Variants in VIPAS39 observed in about 807,000 individuals in gnomAD.
VIPAS39 encodes the protein spermatogenesis-defective protein 39 homolog.
A neutral mutation model predicts 84.7 loss-of-function variants in VIPAS39; 63 were observed. The ratio of observed to expected loss-of-function variants is 0.74; its 90% CI spans 0.61 to 0.92. The LOEUF is 0.92. VIPAS39 is among the 40% of genes least tolerant of loss of function. VIPAS39 has a pLI of 0.00. For synonymous variants in VIPAS39, 192 were observed against 216.5 expected (o/e 0.89, Z 0.99); for missense variants, 499 against 604.5 (o/e 0.83, Z 1.83).
At chr14:77,428,953 C>A in intron 18 of VIPAS39, 53 bp downstream of exon 18, 1 of 1,492,672 alleles carries the variant, frequency 6.7e-7, no homozygotes. Flanking sequence ...TAATCCCCAC[C>A]CTGCTTCGCC....
intron 7 of VIPAS39, among the ~76,000 whole-genome samples, chr14:77,447,965 C>CTTTTTTTTTTTTTT (rs1301071234): frequency 3.4e-4 from 47 of 138,888 alleles, no homozygotes; most frequent in African/African-American, 1.2e-3. Context: ...CCCGGCTTCT[C>CTTTTTTTTTTTTTT]TTTTTTTTTT....
chr14:77,443,598 A>T lies in VIPAS39; in HGVS notation c.598-446T>A, dbSNP rs368437724. ...ACCCTGTCTCTACAAAAAAATTTAAAAATTAGCCAGGCAAGGCCAAGCGTG... is the reference window on the plus strand; with the variant it reads ...ACCCTGTCTCTACAAAAAAATTTAATAATTAGCCAGGCAAGGCCAAGCGTG... On this transcript the variant is annotated intron_variant, in intron 8 of 19. Coordinates refer to ENST00000557658, the MANE Select transcript of VIPAS39 (RefSeq NM_001193315.2). 2.0e-5 allele frequency among the ~76,000 whole-genome samples: 3 copies of T among 152,182 alleles called. No individual in the cohort carries two copies. The East Asian group carries it at 5.8e-4, about 29-fold the overall frequency.
Position 77,451,530 on chromosome 14 carries a change from A to G in VIPAS39, c.197-197T>C, listed in dbSNP as rs2078881349. On this transcript the variant is annotated intron_variant, in intron 3 of 19. Transcript: ENST00000557658. ...GACATGAATAGGTGGATCACAGAAA[A>G]TTCAAATGGCTCTTCAACATATGAA... Among the ~76,000 whole-genome samples, 3 of 152,228 alleles carry G rather than the reference A, an allele frequency of 2.0e-5. No homozygotes were observed. In the South Asian group the frequency reaches 6.2e-4, roughly 32 times the overall value.
chr14:77,453,364 TCTCGGAGGCTGTTCACCG>T lies in VIPAS39; in HGVS notation c.113_130del (p.Ala38_Arg43del). 1 of 1,614,034 alleles carries T rather than the reference TCTCGGAGGCTGTTCACCG, an allele frequency of 6.2e-7. No individual in the cohort carries two copies. The highest frequency in any genetic ancestry group is 8.5e-7 in the Non-Finnish European group (1 of 1,180,014). ...ATCATCGTCATCATCATCCACGAAG[TCTCGGAGGCTGTTCACCG>T]CCCGCTTGGACTCCTTTAACTGCAG... On this transcript the variant is annotated inframe_deletion, in exon 3 of 20. Transcript: ENST00000557658.
chr14:77,430,790 A>G (rs184604365), intron 16 of VIPAS39, among the ~76,000 whole-genome samples: 1 of 152,096 alleles, frequency 6.6e-6, no homozygotes, highest in African/African-American at 2.4e-5. Flanking sequence ...ATTATATTAC[A>G]AAGTTACATA....
chr14:77,435,728 A>C, intron 13 of VIPAS39, 116 bp downstream of exon 13: 1 of 1,196,332 alleles, frequency 8.4e-7, no homozygotes, highest in Non-Finnish European at 1.2e-6. Flanking sequence ...AGAAAATGAA[A>C]GGCTTTTAGA....
chr14:77,442,620 C>T lies in VIPAS39; in HGVS notation c.674G>A (p.Arg225Lys), dbSNP rs2078720690. ...TTCCTTAAGGAAGTGAATAAGATGTCTCAGGGCAACCTGTCGCACCTCCAG... is the reference window on the plus strand; with the variant it reads ...TTCCTTAAGGAAGTGAATAAGATGTTTCAGGGCAACCTGTCGCACCTCCAG... ...RELEVRQVAL[R>K]HLIHFLKEIG... The change falls in exon 10 of 20, where the codon AGA (arginine) becomes AAA (lysine). Residue 225 changes from arginine (R) to lysine (K), a missense_variant. Coordinates refer to ENST00000557658, the MANE Select transcript of VIPAS39 (RefSeq NM_001193315.2). 1.9e-6 allele frequency: 3 copies of T among 1,614,106 alleles called. No homozygotes were observed. In the Admixed American group the frequency reaches 5.0e-5, roughly 27 times the overall value.
chr14:77,429,652 T>C, intron 17 of VIPAS39, 29 bp downstream of exon 17: 2 of 1,608,702 alleles, frequency 1.2e-6, no homozygotes, highest in Non-Finnish European at 8.5e-7. Context: ...AAGAATATCC[T>C]GTACCCAACT....
intron 7 of VIPAS39, among the ~76,000 whole-genome samples, chr14:77,447,046 CTT>C (rs34819838): frequency 7.0e-6 from 1 of 143,362 alleles, no homozygotes. Flanking sequence ...CCACACCTGG[CTT>C]TTTTTTTTTT....
In VIPAS39 at chr14:77,434,320, A is replaced by T. The variant is rs1456113179; in HGVS notation, c.1048-17T>A. ...GAATGTCCCCTAGGATGAAAGTGAA[A>T]AAGGAACTTTAGTGATATTGACTTT... is the stretch of plus-strand genomic sequence containing the variant. On this transcript the variant is annotated splice_polypyrimidine_tract_variant and intron_variant, in intron 14 of 19. Transcript: ENST00000557658. The T allele has an allele frequency of 2.5e-6, 4 of 1,613,808 alleles. No individual in the cohort carries two copies. Among genetic ancestry groups the T allele is most frequent in the Non-Finnish European group, 3.4e-6 (4 of 1,179,792 alleles).
At chr14:77,443,034 T>A in intron 9 of VIPAS39, 85 bp downstream of exon 9, 1 of 1,566,616 alleles carries the variant, frequency 6.4e-7, no homozygotes, top group African/African-American at 1.4e-5. Context: ...GACTAATGAA[T>A]TCTGGTATGA....
At chr14:77,447,241 T>A (rs1264440932) in intron 7 of VIPAS39, among the ~76,000 whole-genome samples, 2 of 152,044 alleles carry the variant, frequency 1.3e-5, no homozygotes, top group East Asian at 1.9e-4. Context: ...GTCAGGCTGG[T>A]CTTAAACTCC....
At position 77,435,425 on chromosome 14, in the gene VIPAS39, A is replaced by AAAC. The variant is rs770281404; in HGVS notation, c.913-33_913-32insGTT. ...TGGAGTGAGCCAAGTGAAAAAAAAA[A>AAAC]AAAACAATGTCCATGGAGTAGAGGC... On this transcript the variant is annotated intron_variant, in intron 13 of 19. Coordinates refer to ENST00000557658, the MANE Select transcript of VIPAS39 (RefSeq NM_001193315.2). 18 of 1,611,270 alleles carry AAAC rather than the reference A, an allele frequency of 1.1e-5. No individual in the cohort carries two copies. In the East Asian group the frequency reaches 2.9e-4, roughly 26 times the overall value.
chr14:77,448,352 A>T, intron 7 of VIPAS39, 142 bp downstream of exon 7: 1 of 870,006 alleles, frequency 1.1e-6, no homozygotes, highest in South Asian at 1.4e-5. Flanking sequence ...AAATTTTGCC[A>T]CTGACTTTCA....
At chr14:77,440,352 T>C (rs551432232) in intron 11 of VIPAS39, 20 of 152,300 alleles carry the variant, frequency 1.3e-4, no homozygotes, top group African/African-American at 4.8e-4. Flanking sequence ...CACCTGGCCA[T>C]TGAATTCTCA....
At chr14:77,451,738 C>T (rs138063326) in intron 3 of VIPAS39, among the ~76,000 whole-genome samples, 321 of 152,230 alleles carry the variant, frequency 2.1e-3, no homozygotes, top group Non-Finnish European at 3.5e-3. Context: ...GAGGCACACA[C>T]CACCTGCCCC....
At chr14:77,450,789 C>T (rs1463373007) in intron 4 of VIPAS39, among the ~76,000 whole-genome samples, 1 of 152,192 alleles carries the variant, frequency 6.6e-6, no homozygotes, top group Non-Finnish European at 1.5e-5. Context: ...GGATTACAGG[C>T]GTGAGCCACC....
At chr14:77,450,292 A>G (rs910677766) in intron 4 of VIPAS39, among the ~76,000 whole-genome samples, 1 of 152,200 alleles carries the variant, frequency 6.6e-6, no homozygotes, top group Non-Finnish European at 1.5e-5. Context: ...GGCAGCATGT[A>G]TGGGAATGTC....
At chr14:77,447,474 G>A (rs1480919018) in intron 7 of VIPAS39, among the ~76,000 whole-genome samples, 1 of 151,988 alleles carries the variant, frequency 6.6e-6, no homozygotes, top group African/African-American at 2.4e-5. Context: ...CACTGTGACT[G>A]GCCCGATTTT....
Sources: gnomAD v4.1 joint callset for allele counts (sites outside exome capture counted in the v4.1 genomes callset) on GRCh38, gnomAD v4.1.1 for gene constraint, MANE v1.5 for transcripts, NCBI Gene and HGNC (gene_info 2026-07-23, HGNC 2026-07-21) for gene names.